Variants in MAPRE2 observed in about 807,000 individuals in gnomAD.
The protein encoded by MAPRE2 is microtubule associated protein RP/EB family member 2.
MAPRE2 carries 13 observed loss-of-function variants against 43.2 expected under a neutral mutation model. That is an observed-to-expected ratio of 0.30 (90% CI 0.20 to 0.48). MAPRE2 has a LOEUF of 0.48. Among genes scored for constraint, MAPRE2 ranks in the 20% least tolerant of loss-of-function variants. The pLI is 0.99. For missense variants in MAPRE2, 161 were observed against 400.2 expected (o/e 0.40, Z 5.10); for synonymous variants, 135 against 148.8 (o/e 0.91, Z 0.68).
At chr18:35,033,212 G>A (rs9957648) in intron 2 of MAPRE2, among the ~76,000 whole-genome samples, 2,243 of 152,148 alleles carry the variant, frequency 0.015, 28 homozygotes, top group African/African-American at 0.032. Flanking sequence ...TTCAATATAC[G>A]CAAATCAATA....
In MAPRE2 at chr18:35,142,043, T is replaced by C. The variant is rs1315912881; in HGVS notation, c.*1674T>C. On this transcript the variant is annotated 3_prime_UTR_variant, in exon 7 of 7. Transcript: ENST00000300249. ...AACACACTGTGCAGAATTAGACAGA[T>C]GTTCCGTGGTGTTTGGTTTCCCTTT... 1 of 152,260 alleles carries C rather than the reference T, an allele frequency of 6.6e-6. No homozygotes were observed. Among genetic ancestry groups the C allele is most frequent in the Non-Finnish European group, 1.5e-5 (1 of 68,048 alleles). The allele number at this position is 152,260 out of a possible 1,614,324, so 9.4% of individuals were successfully genotyped here. A position where few individuals can be genotyped will look rare whatever the true frequency, so the allele number is the denominator to read the frequency against.
intron 2 of MAPRE2, among the ~76,000 whole-genome samples, chr18:35,088,158 T>C (rs1156851979): frequency 1.3e-5 from 2 of 152,130 alleles, no homozygotes; most frequent in Non-Finnish European, 2.9e-5. Context: ...TAAGAGTTAA[T>C]ACAATGCCAA....
intron 4 of MAPRE2, among the ~76,000 whole-genome samples, chr18:35,119,859 A>G (rs1419402020): frequency 6.6e-6 from 1 of 152,210 alleles, no homozygotes; most frequent in Non-Finnish European, 1.5e-5. Context: ...AGCTGTTTTT[A>G]GTAGTATCTA....
At chr18:35,032,188 T>C (rs1381563417) in intron 2 of MAPRE2, among the ~76,000 whole-genome samples, 1 of 152,180 alleles carries the variant, frequency 6.6e-6, no homozygotes, top group Non-Finnish European at 1.5e-5. Flanking sequence ...AAATGGCTTG[T>C]CCTGAGCCAG....
chr18:35,106,467 C>T (rs1908910640), intron 4 of MAPRE2, among the ~76,000 whole-genome samples: 1 of 151,920 alleles, frequency 6.6e-6, no homozygotes, highest in African/African-American at 2.4e-5. Flanking sequence ...AGATTGTCAC[C>T]ATGAAAGGAC....
chr18:34,989,073 A>C (rs1220382648), intron 1 of MAPRE2, among the ~76,000 whole-genome samples: 1 of 152,166 alleles, frequency 6.6e-6, no homozygotes. Context: ...CAAAGGAGAA[A>C]TCTATTTATC....
chr18:35,097,702 A>C (rs1045860120), intron 3 of MAPRE2, 111 bp downstream of exon 3: 1 of 909,052 alleles, frequency 1.1e-6, no homozygotes, highest in Non-Finnish European at 1.7e-6. Flanking sequence ...ATATCCCAAC[A>C]GTAGGCTGGG....
At chr18:35,035,290 C>G (rs980360873) in intron 2 of MAPRE2, among the ~76,000 whole-genome samples, 3 of 150,920 alleles carry the variant, frequency 2.0e-5, no homozygotes, top group African/African-American at 7.3e-5. Flanking sequence ...CATGTTCTCA[C>G]TCGTAGGTGG....
chr18:35,122,990 G>C (rs975072223), intron 4 of MAPRE2, among the ~76,000 whole-genome samples: 5 of 152,218 alleles, frequency 3.3e-5, no homozygotes, highest in Non-Finnish European at 7.3e-5. Context: ...GGCTAGAAGG[G>C]GGAGAGCATC....
chr18:35,001,902 T>C (rs942417602), intron 1 of MAPRE2, among the ~76,000 whole-genome samples: 1 of 152,242 alleles, frequency 6.6e-6, no homozygotes, highest in Non-Finnish European at 1.5e-5. Context: ...TACAGTAAGA[T>C]GTAATTGTAA....
intron 1 of MAPRE2, among the ~76,000 whole-genome samples, chr18:34,991,817 C>A (rs774091839): frequency 6.6e-6 from 1 of 152,098 alleles, no homozygotes; most frequent in Non-Finnish European, 1.5e-5. Flanking sequence ...GTAAGCCATG[C>A]GGGATAGGTA....
At chr18:35,055,537 C>CTGTGTGTGTGTGTGTG (rs34194364) in intron 1 of MAPRE2, among the ~76,000 whole-genome samples, 1,497 of 146,650 alleles carry the variant, frequency 0.01, 9 homozygotes, top group South Asian at 0.015. Context: ...ATTCAGTTCT[C>CTGTGTGTGTGTGTGTG]TGTGTGTGTG....
At chr18:35,077,306 G>A (rs1350294771) in intron 2 of MAPRE2, among the ~76,000 whole-genome samples, 1 of 151,710 alleles carries the variant, frequency 6.6e-6, no homozygotes, top group Non-Finnish European at 1.5e-5. Flanking sequence ...GTACAAAGCA[G>A]TACCATTAGT....
chr18:34,981,889 T>TTTA (rs200257182), intron 1 of MAPRE2, among the ~76,000 whole-genome samples: 1,851 of 79,424 alleles, frequency 0.023, 44 homozygotes, highest in East Asian at 0.12. Context: ...TTTTATTTAT[T>TTTA]TTTTTTTTTT....
At chr18:35,117,854 T>C (rs1436539969) in intron 4 of MAPRE2, among the ~76,000 whole-genome samples, 1 of 152,148 alleles carries the variant, frequency 6.6e-6, no homozygotes, top group Admixed American at 6.5e-5. Context: ...AGTAGTTTAT[T>C]GAAAGAAATA....
At chr18:35,028,724 A>G (rs1413288239) in intron 2 of MAPRE2, among the ~76,000 whole-genome samples, 1 of 152,246 alleles carries the variant, frequency 6.6e-6, no homozygotes, top group Non-Finnish European at 1.5e-5. Context: ...AATAATGTTC[A>G]CTGTGCATGC....
intron 2 of MAPRE2, among the ~76,000 whole-genome samples, chr18:35,076,292 T>C (rs1907349218): frequency 6.6e-6 from 1 of 152,182 alleles, no homozygotes; most frequent in Admixed American, 6.5e-5. Context: ...CAGAGTACTG[T>C]CCTACAAAAG....
At chr18:35,023,701 G>A (rs1368743984) in intron 2 of MAPRE2, among the ~76,000 whole-genome samples, 2 of 151,852 alleles carry the variant, frequency 1.3e-5, no homozygotes, top group African/African-American at 2.4e-5. Flanking sequence ...AGATTTGGTG[G>A]TCCAGTAGAT....
In MAPRE2 at chr18:35,128,032, C is replaced by T. The variant is rs190978956; in HGVS notation, c.750+945C>T. Among the ~76,000 whole-genome samples, 12 of 152,288 alleles carry T rather than the reference C, an allele frequency of 7.9e-5. No individual in the cohort carries two copies. The East Asian group carries it at 2.3e-3, about 29-fold the overall frequency. On this transcript the variant is annotated intron_variant, in intron 5 of 6. Transcript: ENST00000300249. ...GCTGTTCCCAGCCGCTCACTGGGCC[C>T]GTCGTGGTGATTAATCTTATTCTTG... is the stretch of plus-strand genomic sequence containing the variant.
Sources: allele counts gnomAD v4.1 joint callset (sites outside exome capture counted in the v4.1 genomes callset), GRCh38; gene constraint gnomAD v4.1.1; transcripts MANE v1.5; gene names NCBI Gene and HGNC (gene_info 2026-07-23, HGNC 2026-07-21).